RBM27: variants seen among roughly 807,000 people sequenced by gnomAD.
RBM27 encodes the protein RNA binding motif protein 27.
A neutral mutation model predicts 135.3 loss-of-function variants in RBM27; 22 were observed. The ratio of observed to expected loss-of-function variants is 0.16; its 90% CI spans 0.12 to 0.23. RBM27 has a LOEUF of 0.23. Ranked by LOEUF, RBM27 falls within the 10% of genes least tolerant of loss-of-function variation. The pLI is 1.00. For missense variants in RBM27, 1,009 were observed against 1,281.0 expected, an observed-to-expected ratio of 0.79 and a Z score of 3.24; for synonymous variants, 481 against 442.4, an observed-to-expected ratio of 1.09 and a Z score of -1.10.
chr5:146,244,531 A>G (rs1262169016), intron 8 of RBM27, among the ~76,000 whole-genome samples: 1 of 148,402 alleles, frequency 6.7e-6, no homozygotes, highest in Non-Finnish European at 1.5e-5. Flanking sequence ...CATTTTACCC[A>G]TGCCCCCCCA....
Position 146,287,997 on chromosome 5 carries a change from G to C in RBM27, c.*1967G>C, listed in dbSNP as rs559700319. On this transcript the variant is annotated 3_prime_UTR_variant, in exon 21 of 21. Coordinates refer to ENST00000265271, the MANE Select transcript of RBM27 (RefSeq NM_018989.2). ...TTTAAACGTGATAGAGGGAACAAAG[G>C]ATTTATATATTTTTTGTACAAAGTT... 2 of 151,732 alleles carry C rather than the reference G, an allele frequency of 1.3e-5. No individual in the cohort carries two copies. Among genetic ancestry groups the C allele is most frequent in the Admixed American group, 6.6e-5 (1 of 15,240 alleles). The allele number at this position is 151,732 out of a possible 1,614,324, so 9.4% of individuals were successfully genotyped here.
intron 3 of RBM27, among the ~76,000 whole-genome samples, chr5:146,225,834 G>T (rs1756649970): frequency 6.6e-6 from 1 of 152,028 alleles, no homozygotes; most frequent in Non-Finnish European, 1.5e-5. Flanking sequence ...AAAGTGCTGG[G>T]ATTACAGGGG....
rs779293672 is a variant in RBM27 at position 146,267,635 on chromosome 5, T to C, written c.2332-14T>C. The C allele has an allele frequency of 3.4e-6, 5 of 1,484,542 alleles. No individual in the cohort carries two copies. Among genetic ancestry groups the C allele is most frequent in the Non-Finnish European group, 4.6e-6 (5 of 1,089,494 alleles). The allele number at this position is 1,484,542 out of a possible 1,614,324, so 92.0% of individuals were successfully genotyped here. ...TATATTTGTGTGTGCTTTTTTTTTTTCTTTATTTTTTAGATATTTTCAACT... is the reference window on the plus strand; with the variant it reads ...TATATTTGTGTGTGCTTTTTTTTTTCCTTTATTTTTTAGATATTTTCAACT... On this transcript the variant is annotated splice_polypyrimidine_tract_variant and intron_variant, in intron 14 of 20. Transcript: ENST00000265271.
At chr5:146,203,944 C>A (rs1332583592) in intron 1 of RBM27, 120 bp downstream of exon 1, 2 of 1,000,916 alleles carry the variant, frequency 2.0e-6, no homozygotes, top group South Asian at 1.8e-5. Flanking sequence ...GAGGTCCCGG[C>A]GACGCCTTCC....
chr5:146,270,431 G>T (rs959288090), intron 17 of RBM27, among the ~76,000 whole-genome samples: 1 of 151,892 alleles, frequency 6.6e-6, no homozygotes, highest in African/African-American at 2.4e-5. Context: ...GTTTTTTATT[G>T]AAATCTTTTC....
Position 146,286,476 on chromosome 5 carries a change from C to A in RBM27, c.*446C>A, listed in dbSNP as rs1759585685. On this transcript the variant is annotated 3_prime_UTR_variant, in exon 21 of 21. Coordinates refer to ENST00000265271, the MANE Select transcript of RBM27 (RefSeq NM_018989.2). The stretch of plus-strand genomic sequence containing the variant: ...GTAGGAAATATTTGTAATTAAAATA[C>A]CCTTTTGCTTTCAAGAGTGGTCTTG... 1 of 151,952 alleles carries A rather than the reference C, an allele frequency of 6.6e-6. No individual in the cohort carries two copies. Among genetic ancestry groups the A allele is most frequent in the Non-Finnish European group, 1.5e-5 (1 of 68,028 alleles). 9.4% of individuals were successfully genotyped at this position (151,952 alleles called of 1,614,324 possible).
At chr5:146,279,075 A>G (rs1009999561) in intron 19 of RBM27, among the ~76,000 whole-genome samples, 5 of 152,150 alleles carry the variant, frequency 3.3e-5, no homozygotes, top group Non-Finnish European at 5.9e-5. Context: ...ATGTGAGAGA[A>G]TGTATATGTA....
chr5:146,254,032 A>C (rs1758004936), intron 9 of RBM27, among the ~76,000 whole-genome samples: 1 of 152,248 alleles, frequency 6.6e-6, no homozygotes, highest in Non-Finnish European at 1.5e-5. Context: ...AGAAGTGTAC[A>C]TAACCAAATG....
At chr5:146,220,145 G>T (rs1178298822) in intron 2 of RBM27, among the ~76,000 whole-genome samples, 1 of 152,110 alleles carries the variant, frequency 6.6e-6, no homozygotes, top group African/African-American at 2.4e-5. Context: ...TGGAGACTTG[G>T]AACCTACAGT....
chr5:146,209,726 G>T (rs2126674443), intron 1 of RBM27, among the ~76,000 whole-genome samples: 1 of 152,320 alleles, frequency 6.6e-6, no homozygotes, highest in African/African-American at 2.4e-5. Context: ...ATATTCTTAA[G>T]TTTGGGAAGT....
chr5:146,243,092 C>T (rs1163172998), intron 8 of RBM27, among the ~76,000 whole-genome samples: 3 of 151,600 alleles, frequency 2.0e-5, no homozygotes, highest in East Asian at 3.9e-4. Context: ...ATGGTGAAAT[C>T]GCATCTCTAC....
chr5:146,278,601 T>G (rs1364269110), intron 19 of RBM27, among the ~76,000 whole-genome samples: 2 of 152,198 alleles, frequency 1.3e-5, no homozygotes, highest in Non-Finnish European at 2.9e-5. Context: ...AGATTTTAAA[T>G]TGTTCTACAC....
At chr5:146,245,971 G>A (rs757782198) in intron 8 of RBM27, among the ~76,000 whole-genome samples, 49 of 152,114 alleles carry the variant, frequency 3.2e-4, no homozygotes, top group Non-Finnish European at 6.5e-4. Context: ...GATTCATGTT[G>A]TATTAGTTGT....
At chr5:146,237,705 T>C (rs1243141788) in intron 8 of RBM27, among the ~76,000 whole-genome samples, 1 of 152,204 alleles carries the variant, frequency 6.6e-6, no homozygotes, top group East Asian at 1.9e-4. Flanking sequence ...TTTATTTTTT[T>C]GAGACAGAGT....
chr5:146,276,234 A>G (rs1456719167), intron 19 of RBM27, among the ~76,000 whole-genome samples: 1 of 151,866 alleles, frequency 6.6e-6, no homozygotes, highest in South Asian at 2.1e-4. Context: ...TTTATACCTT[A>G]AAAAAATAAA....
chr5:146,213,678 C>T (rs1561523525), intron 1 of RBM27, among the ~76,000 whole-genome samples: 2 of 152,108 alleles, frequency 1.3e-5, no homozygotes. Context: ...GGACCTTACT[C>T]TTTGATCTTA....
At chr5:146,227,827 G>A (rs771941763) in intron 3 of RBM27, among the ~76,000 whole-genome samples, 2 of 152,172 alleles carry the variant, frequency 1.3e-5, no homozygotes, top group African/African-American at 2.4e-5. Context: ...TTAAGAGAAA[G>A]CCTTAACATT....
chr5:146,270,766 T>C (rs139265855), intron 17 of RBM27, among the ~76,000 whole-genome samples, 188 bp from the exon 18 acceptor site: 49 of 152,332 alleles, frequency 3.2e-4, no homozygotes, highest in African/African-American at 1.2e-3. Context: ...TTCACTGATA[T>C]CTATATACTT....
Position 146,211,464 on chromosome 5 carries a change from C to CTTTTTTTTTTTTTTTTTTT in RBM27, c.60-7509_60-7491dup, listed in dbSNP as rs57117642. The stretch of plus-strand genomic sequence containing the variant: ...CTTACTTTGTCCAGTATGGTCTTAT[C>CTTTTTTTTTTTTTTTTTTT]TTTTTTTTTTTTTTTTTTTTTTTTT... On this transcript the variant is annotated intron_variant, in intron 1 of 20. Coordinates refer to ENST00000265271, the MANE Select transcript of RBM27 (RefSeq NM_018989.2). Among the ~76,000 whole-genome samples the CTTTTTTTTTTTTTTTTTTT allele has an allele frequency of 1.2e-3, 60 of 49,930 alleles. 7 individuals carry two copies. Among genetic ancestry groups the CTTTTTTTTTTTTTTTTTTT allele is most frequent in the Admixed American group, 3.1e-3 (8 of 2,574 alleles). The allele number at this position is 49,930 out of a possible 152,430, so 32.8% of individuals were successfully genotyped here. A position where few individuals can be genotyped will look rare whatever the true frequency, so the allele number is the denominator to read the frequency against.
Sources: gnomAD v4.1 joint callset for allele counts (sites outside exome capture counted in the v4.1 genomes callset) on GRCh38, gnomAD v4.1.1 for gene constraint, MANE v1.5 for transcripts, NCBI Gene and HGNC (gene_info 2026-07-23, HGNC 2026-07-21) for gene names.